Variants in SMAD3 observed in about 807,000 individuals in gnomAD.
The protein encoded by SMAD3 is SMAD family member 3.
In SMAD3, 12 loss-of-function variants were observed where a neutral mutation model predicts 51.8. The observed-to-expected ratio is 0.23, with a 90% confidence interval of 0.15 to 0.38. The LOEUF (loss-of-function observed/expected upper bound fraction) is 0.38, where lower values mean the gene tolerates loss of function less well. Ranked by LOEUF, SMAD3 falls within the 10% of genes least tolerant of loss-of-function variation. SMAD3 has a pLI of 1.00. For missense variants in SMAD3, 294 were observed against 565.6 expected (o/e 0.52, Z 4.87); for synonymous variants, 238 against 227.7 (o/e 1.05, Z -0.41).
At chr15:67,189,522 G>T (rs1305798436) in intron 8 of SMAD3, among the ~76,000 whole-genome samples, 1 of 152,250 alleles carries the variant, frequency 6.6e-6, no homozygotes, top group East Asian at 1.9e-4. Flanking sequence ...CCGCTGCCTG[G>T]CAGCACTGCA....
chr15:67,157,591 A>C (rs559724468), intron 1 of SMAD3, among the ~76,000 whole-genome samples: 6 of 152,318 alleles, frequency 3.9e-5, no homozygotes, highest in African/African-American at 1.4e-4. Flanking sequence ...TCTGGAACTT[A>C]TGTGCTGTGC....
intron 1 of SMAD3, among the ~76,000 whole-genome samples, chr15:67,084,070 C>CTTTTTTTTT (rs56675753): frequency 2.4e-3 from 207 of 85,022 alleles, no homozygotes; most frequent in Non-Finnish European, 3.6e-3. Flanking sequence ...CTTTTTTTTT[C>CTTTTTTTTT]TTTTTTTTTT....
intron 1 of SMAD3, among the ~76,000 whole-genome samples, chr15:67,156,196 C>G (rs1459551292): frequency 3.3e-5 from 5 of 152,100 alleles, no homozygotes; most frequent in Admixed American, 2.0e-4. Context: ...TCTAAAACAG[C>G]TCCTTTTTGT....
At chr15:67,126,074 AGTCCT>A (rs1961379345) in intron 1 of SMAD3, 1 of 599,928 alleles carries the variant, frequency 1.7e-6, no homozygotes, top group Non-Finnish European at 2.1e-6. Context: ...ACACTCCCTG[AGTCCT>A]TAGGGAATTG....
chr15:67,184,439 A>G (rs1007230347), intron 6 of SMAD3, among the ~76,000 whole-genome samples: 2 of 152,096 alleles, frequency 1.3e-5, no homozygotes, highest in African/African-American at 4.8e-5. Flanking sequence ...ACGAAGACTC[A>G]GAGGGTGAAT....
At chr15:67,097,709 A>G (rs1463873806) in intron 1 of SMAD3, among the ~76,000 whole-genome samples, 1 of 152,170 alleles carries the variant, frequency 6.6e-6, no homozygotes, top group Non-Finnish European at 1.5e-5. Flanking sequence ...TGTCTGGTCC[A>G]TGGGACTGAA....
At chr15:67,081,014 G>A (rs1485613060) in intron 1 of SMAD3, among the ~76,000 whole-genome samples, 3 of 152,196 alleles carry the variant, frequency 2.0e-5, no homozygotes, top group Non-Finnish European at 4.4e-5. Flanking sequence ...GAGAGCAGTT[G>A]GAATGACAGA....
chr15:67,119,070 G>C (rs1248557605), intron 1 of SMAD3, among the ~76,000 whole-genome samples: 2 of 152,206 alleles, frequency 1.3e-5, no homozygotes, highest in Non-Finnish European at 2.9e-5. Context: ...GTATGGATGA[G>C]GCCGGGCTGG....
At chr15:67,159,048 T>A (rs966218751) in intron 1 of SMAD3, among the ~76,000 whole-genome samples, 18 of 152,080 alleles carry the variant, frequency 1.2e-4, no homozygotes, top group Non-Finnish European at 1.5e-4. Flanking sequence ...ATTAAAAAAA[T>A]TTTTTTAATC....
At chr15:67,135,873 C>T (rs992259756) in intron 1 of SMAD3, among the ~76,000 whole-genome samples, 2 of 152,204 alleles carry the variant, frequency 1.3e-5, no homozygotes, top group Non-Finnish European at 2.9e-5. Context: ...ATATTCACAT[C>T]AGGTATTTGT....
chr15:67,189,448 G>T lies in SMAD3; in HGVS notation c.1155-965G>T, dbSNP rs568943718. Among the ~76,000 whole-genome samples, 18 of 152,346 alleles carry T rather than the reference G, an allele frequency of 1.2e-4. No individual in the cohort carries two copies. In the East Asian group the frequency reaches 1.4e-3, roughly 11 times the overall value. The stretch of plus-strand genomic sequence containing the variant: ...TCTTTGGTGGCAGAGCCTTTCCCTG[G>T]GGACACTATCACCACGCGGGATGTC... On this transcript the variant is annotated intron_variant, in intron 8 of 8. Transcript: ENST00000327367.
intron 1 of SMAD3, among the ~76,000 whole-genome samples, chr15:67,117,408 G>C (rs1279277220): frequency 6.6e-6 from 1 of 152,134 alleles, no homozygotes; most frequent in East Asian, 1.9e-4. Context: ...TTCAGATCTT[G>C]AAAGTCCAAC....
chr15:67,118,289 G>T (rs1961181055), intron 1 of SMAD3, among the ~76,000 whole-genome samples: 1 of 152,224 alleles, frequency 6.6e-6, no homozygotes, highest in South Asian at 2.1e-4. Context: ...CTGAGAGAAG[G>T]CTAGGTGGCA....
chr15:67,101,737 C>T (rs1346121109), intron 1 of SMAD3, among the ~76,000 whole-genome samples: 2 of 152,116 alleles, frequency 1.3e-5, no homozygotes, highest in Non-Finnish European at 2.9e-5. Context: ...AGGAAAGTGA[C>T]CTAAAGGTTG....
In SMAD3 at chr15:67,194,337, A is replaced by G. The variant is rs1052581069; in HGVS notation, c.*3801A>G. 3.0e-5 allele frequency: 7 copies of G among 233,306 alleles called. No individual in the cohort carries two copies. Among genetic ancestry groups the G allele is most frequent in the African/African-American group, 1.3e-4 (6 of 45,446 alleles). 14.5% of individuals were successfully genotyped at this position (233,306 alleles called of 1,614,324 possible). Reference sequence around the variant, plus strand: ...GGGAAAGCAGAAAAACGTACGCAAGAGGACATGGATCCAAAATGATGATGA... The same window carrying G: ...GGGAAAGCAGAAAAACGTACGCAAGGGGACATGGATCCAAAATGATGATGA... On this transcript the variant is annotated 3_prime_UTR_variant, in exon 9 of 9. Coordinates refer to ENST00000327367, the MANE Select transcript of SMAD3 (RefSeq NM_005902.4).
At chr15:67,072,916 T>C (rs1960087890) in intron 1 of SMAD3, among the ~76,000 whole-genome samples, 1 of 152,234 alleles carries the variant, frequency 6.6e-6, no homozygotes, top group Non-Finnish European at 1.5e-5. Context: ...AGAGAACTTG[T>C]CCAGTTCATT....
intron 1 of SMAD3, chr15:67,126,057 T>C: frequency 1.4e-6 from 1 of 705,856 alleles, no homozygotes; most frequent in Non-Finnish European, 1.7e-6. Context: ...AACTGTATGC[T>C]CGACACACAC....
At chr15:67,116,044 CAGAG>C (rs1961127892) in intron 1 of SMAD3, among the ~76,000 whole-genome samples, 1 of 152,236 alleles carries the variant, frequency 6.6e-6, no homozygotes, top group African/African-American at 2.4e-5. Flanking sequence ...TGTTTAACAA[CAGAG>C]AGAAATCCAC....
chr15:67,181,520 AG>A, intron 6 of SMAD3, 67 bp downstream of exon 6: 3 of 1,055,138 alleles, frequency 2.8e-6, no homozygotes, highest in Non-Finnish European at 3.7e-6. Flanking sequence ...CCCCAGCCCC[AG>A]GCCTGAACAC....
Sources: allele counts gnomAD v4.1 joint callset (sites outside exome capture counted in the v4.1 genomes callset), GRCh38; gene constraint gnomAD v4.1.1; transcripts MANE v1.5; gene names NCBI Gene and HGNC (gene_info 2026-07-23, HGNC 2026-07-21).